The following RGS5 variants were observed in gnomAD, a reference collection of about 807,000 sequenced individuals.
The protein encoded by RGS5 is regulator of G-protein signalling 5.
RGS5 carries 20 observed loss-of-function variants against 18.9 expected under a neutral mutation model. The observed-to-expected ratio is 1.06, with a 90% CI of 0.74 to 1.54. The LOEUF is 1.54. Among genes scored for constraint, RGS5 ranks in the 40% most tolerant of loss-of-function variants. The probability of loss-of-function intolerance (pLI) is 0.00; values close to 1 mark genes in which losing one functional copy is unlikely to be tolerated. For synonymous variants in RGS5, 57 were observed against 76.2 expected (o/e 0.75, Z 1.31); for missense variants, 201 against 211.8 (o/e 0.95, Z 0.32).
chr1:163,261,892 A>T (rs1042624429), intron 2 of RGS5, among the ~76,000 whole-genome samples: 1 of 149,186 alleles, frequency 6.7e-6, no homozygotes, highest in Non-Finnish European at 1.5e-5. Context: ...TTTTTTTTTA[A>T]AATTATTTCT....
intron 2 of RGS5, among the ~76,000 whole-genome samples, chr1:163,265,547 T>C (rs60866017): frequency 0.017 from 2,638 of 152,216 alleles, 83 homozygotes; most frequent in African/African-American, 0.06. Context: ...ATAAATCTTC[T>C]TTTTGAACTT....
At chr1:163,178,669 CCCAG>C (rs1321962765) in intron 1 of RGS5, among the ~76,000 whole-genome samples, 1 of 152,066 alleles carries the variant, frequency 6.6e-6, no homozygotes, top group African/African-American at 2.4e-5. Flanking sequence ...ATTTTCAAAA[CCCAG>C]CCATCTATAA....
intron 2 of RGS5, among the ~76,000 whole-genome samples, chr1:163,255,812 C>A (rs1252191296): frequency 3.3e-5 from 5 of 151,852 alleles, no homozygotes; most frequent in African/African-American, 1.2e-4. Context: ...TCAATATATG[C>A]AAATCAATAA....
At chr1:163,238,161 A>G (rs961903808) in intron 2 of RGS5, 1 of 152,606 alleles carries the variant, frequency 6.6e-6, no homozygotes, top group Non-Finnish European at 1.5e-5. Flanking sequence ...GCTTTTTAAA[A>G]ATACTTGTTA....
chr1:163,208,236 T>G (rs1366268675), intron 1 of RGS5, among the ~76,000 whole-genome samples: 3 of 139,506 alleles, frequency 2.2e-5, no homozygotes, highest in Non-Finnish European at 4.6e-5. Context: ...TAGTTCCAGC[T>G]ACTCCGGAGG....
At chr1:163,184,636 T>C (rs1047210991) in intron 1 of RGS5, among the ~76,000 whole-genome samples, 2 of 152,108 alleles carry the variant, frequency 1.3e-5, no homozygotes, top group African/African-American at 4.8e-5. Flanking sequence ...TGGCCCAATA[T>C]AATTACAAGA....
chr1:163,297,081 G>C (rs114000123), intron 2 of RGS5, among the ~76,000 whole-genome samples: 2 of 152,062 alleles, frequency 1.3e-5, no homozygotes, highest in Admixed American at 1.3e-4. Context: ...ATCTGGGGCC[G>C]GTGTCAGATG....
At chr1:163,208,176 G>A (rs918574776) in intron 1 of RGS5, among the ~76,000 whole-genome samples, 1 of 151,272 alleles carries the variant, frequency 6.6e-6, no homozygotes, top group Non-Finnish European at 1.5e-5. Flanking sequence ...GTGAAACCCC[G>A]TCTCTACTAA....
At chr1:163,177,267 T>A (rs998516960) in intron 1 of RGS5, among the ~76,000 whole-genome samples, 1 of 152,250 alleles carries the variant, frequency 6.6e-6, no homozygotes, top group African/African-American at 2.4e-5. Flanking sequence ...CAGACATTGA[T>A]GCTAAGATTT....
intron 2 of RGS5, among the ~76,000 whole-genome samples, chr1:163,255,816 T>C (rs1648255815): frequency 6.6e-6 from 1 of 151,794 alleles, no homozygotes; most frequent in African/African-American, 2.4e-5. Flanking sequence ...TATATGCAAA[T>C]CAATAAATGT....
intron 3 of RGS5, among the ~76,000 whole-genome samples, chr1:163,159,284 G>A (rs1470926163): frequency 6.6e-6 from 1 of 152,186 alleles, no homozygotes; most frequent in Admixed American, 6.5e-5. Flanking sequence ...TTAAAGTAAA[G>A]ACAGGCATAG....
intron 1 of RGS5, among the ~76,000 whole-genome samples, chr1:163,198,935 G>C (rs1406366552): frequency 1.3e-5 from 2 of 152,144 alleles, no homozygotes; most frequent in Non-Finnish European, 2.9e-5. Flanking sequence ...CTCCCAAAGT[G>C]CTGGGATTAC....
chr1:163,188,542 C>T (rs780734612), intron 1 of RGS5, among the ~76,000 whole-genome samples: 1 of 152,150 alleles, frequency 6.6e-6, no homozygotes, highest in African/African-American at 2.4e-5. Flanking sequence ...AGAATCTTTA[C>T]TAAAATGGAT....
In RGS5 at chr1:163,234,020, G is replaced by C. The variant is rs140592090; in HGVS notation, c.-280-65652C>G. 4.8e-3 allele frequency among the ~76,000 whole-genome samples: 735 copies of C among 152,274 alleles called. 3 individuals carry two copies. Among genetic ancestry groups the C allele is most frequent in the African/African-American group, 0.017 (686 of 41,540 alleles). On this transcript the variant is annotated intron_variant, in intron 2 of 5. Transcript: ENST00000618415. ...CACAGGGGATATGATGGCTTAGCTT[G>C]GGCTCAGGGGCCTGACAATCAGTAC... is the stretch of plus-strand genomic sequence containing the variant.
intron 3 of RGS5, among the ~76,000 whole-genome samples, chr1:163,156,452 T>C (rs1033211874): frequency 6.6e-6 from 1 of 152,312 alleles, no homozygotes; most frequent in East Asian, 1.9e-4. Context: ...AGCCTTTACT[T>C]ACTACCATCG....
chr1:163,264,001 G>A (rs1381917809), intron 2 of RGS5, among the ~76,000 whole-genome samples: 1 of 151,936 alleles, frequency 6.6e-6, no homozygotes, highest in Non-Finnish European at 1.5e-5. Context: ...GCTGAGGGGA[G>A]TTTTGACTGA....
At chr1:163,282,027 C>A (rs1649004697) in intron 2 of RGS5, among the ~76,000 whole-genome samples, 1 of 150,552 alleles carries the variant, frequency 6.6e-6, no homozygotes, top group African/African-American at 2.4e-5. Flanking sequence ...ATGGGTGAGA[C>A]TTCAGAAGTG....
At chr1:163,218,609 AAT>A (rs1660268971), upstream of RGS5, among the ~76,000 whole-genome samples, 1 of 151,924 alleles carries the variant, frequency 6.6e-6, no homozygotes, top group African/African-American at 2.4e-5. Flanking sequence ...AAAAATAAAA[AAT>A]AGAGAAAATA....
At chr1:163,173,884 G>T (rs912780182) in intron 1 of RGS5, among the ~76,000 whole-genome samples, 1 of 152,074 alleles carries the variant, frequency 6.6e-6, no homozygotes, top group Non-Finnish European at 1.5e-5. Flanking sequence ...GACCAGCCTG[G>T]CCAAGATGGT....
Sources: allele counts gnomAD v4.1 joint callset (sites outside exome capture counted in the v4.1 genomes callset), GRCh38; gene constraint gnomAD v4.1.1; transcripts MANE v1.5; gene names NCBI Gene and HGNC (gene_info 2026-07-23, HGNC 2026-07-21).